The following SH3BP4 variants were observed in gnomAD, a reference collection of about 807,000 sequenced individuals.
SH3BP4 encodes SH3 domain-binding protein 4.
SH3BP4 carries 33 observed loss-of-function variants against 65.5 expected under a neutral mutation model. That is an observed-to-expected ratio of 0.50 (90% CI 0.38 to 0.67). The LOEUF (loss-of-function observed/expected upper bound fraction) is 0.67. SH3BP4 is among the 30% of genes least tolerant of loss of function. The probability of loss-of-function intolerance (pLI) is 0.00; values close to 1 mark genes in which losing one functional copy is unlikely to be tolerated. For synonymous variants in SH3BP4, 552 were observed against 545.5 expected, an observed-to-expected ratio of 1.01 and a Z score of -0.17; for missense variants, 1,134 against 1,261.4, an observed-to-expected ratio of 0.90 and a Z score of 1.53.
Position 235,053,778 on chromosome 2 carries a change from G to A in SH3BP4, c.2854G>A (p.Ala952Thr), listed in dbSNP as rs751078510. The A allele has an allele frequency of 3.1e-6, 5 of 1,614,174 alleles. No individual in the cohort carries two copies. The highest frequency in any genetic ancestry group is 1.7e-5 in the Admixed American group (1 of 60,022). Residue 952 changes from alanine (A) to threonine (T), a missense_variant, in exon 6 of 6, where the codon GCC becomes ACC. Coordinates refer to ENST00000392011, the MANE Select transcript of SH3BP4 (RefSeq NM_014521.3). ...VNSLDVLRAA[A>T]FSPADQDDFV... ...CTCCCTGGACGTTCTGAGAGCAGCCGCCTTCAGCCCTGCGGACCAGGACGA... is the reference window on the plus strand; with the variant it reads ...CTCCCTGGACGTTCTGAGAGCAGCCACCTTCAGCCCTGCGGACCAGGACGA...
chr2:234,988,270 A>G (rs192124228), intron 1 of SH3BP4, among the ~76,000 whole-genome samples: 19 of 152,230 alleles, frequency 1.2e-4, no homozygotes, highest in East Asian at 7.8e-4. Context: ...CGTGTTAGCC[A>G]GGATAGTCTT....
Position 235,045,836 on chromosome 2 carries a change from T to G in SH3BP4, c.2478+2589T>G, listed in dbSNP as rs1426886943. Among the ~76,000 whole-genome samples the G allele has an allele frequency of 2.0e-5, 3 of 152,188 alleles. No homozygotes were observed. The highest frequency in any genetic ancestry group is 4.4e-5 in the Non-Finnish European group (3 of 68,032). Reference sequence around the variant, plus strand: ...CCCTGCCTCTCATTTTTAGCATAGCTTTCGGTGTCCTTGTTCTGATGCCTT... The same window carrying G: ...CCCTGCCTCTCATTTTTAGCATAGCGTTCGGTGTCCTTGTTCTGATGCCTT... On this transcript the variant is annotated intron_variant, in intron 4 of 5. Transcript: ENST00000392011. This position sits in a 1 kb window ranked among gnomAD's most constrained non-coding sequence, Gnocchi z 4.3.
At chr2:234,986,892 C>T (rs1693577742) in intron 1 of SH3BP4, among the ~76,000 whole-genome samples, 3 of 151,836 alleles carry the variant, frequency 2.0e-5, no homozygotes, top group Admixed American at 6.6e-5. Context: ...GCAACCTCAG[C>T]CCCCCAAGTA....
At chr2:235,029,693 G>A (rs991635950) in intron 2 of SH3BP4, among the ~76,000 whole-genome samples, 4 of 152,116 alleles carry the variant, frequency 2.6e-5, no homozygotes, top group African/African-American at 4.8e-5. Flanking sequence ...ATGAACCTTC[G>A]GGAGCTCATT....
rs897245575 is a variant in SH3BP4, at chr2:235,045,191, G to A, written c.2478+1944G>A. Among the ~76,000 whole-genome samples, 4 of 152,144 alleles carry A rather than the reference G, an allele frequency of 2.6e-5. No homozygotes were observed. The highest frequency in any genetic ancestry group is 7.2e-5 in the African/African-American group (3 of 41,430). On this transcript the variant is annotated intron_variant, in intron 4 of 5. Coordinates refer to ENST00000392011, the MANE Select transcript of SH3BP4 (RefSeq NM_014521.3). The surrounding 1 kb of genome is among the most constrained non-coding windows in gnomAD (Gnocchi z 4.3). ...CTCCATCCCGTGAGAGCCTCTGTGC[G>A]GGCGGCCCCGAGACCACAGCCGTGG...
At chr2:235,039,154 C>T (rs1283511625) in intron 3 of SH3BP4, among the ~76,000 whole-genome samples, 5 of 152,186 alleles carry the variant, frequency 3.3e-5, no homozygotes, top group African/African-American at 1.2e-4. Context: ...GCCGGGTTCT[C>T]TGAGACACCC....
intron 2 of SH3BP4, among the ~76,000 whole-genome samples, chr2:235,010,203 A>G (rs1419305001): frequency 3.3e-5 from 5 of 152,154 alleles, no homozygotes; most frequent in Admixed American, 6.5e-5. Context: ...TTGAGCCAGT[A>G]TACCTTCATG....
In SH3BP4 at chr2:235,042,435, G is replaced by A. The variant is rs369446844; in HGVS notation, c.1666G>A (p.Ala556Thr). ...TTACGAGGTCAAAGCCAGCGAGCAG[G>A]CCAAAGTGGTGCGAGGATTCCAGCT... The part of the protein sequence containing the change: ...TNYEVKASEQ[A>T]KVVRGFQLKL... The change falls in exon 4 of 6, where the codon GCC (alanine) becomes ACC (threonine). Residue 556 changes from alanine (A) to threonine (T), a missense_variant. Transcript: ENST00000392011. The surrounding 1 kb of genome is among the most constrained non-coding windows in gnomAD (Gnocchi z 7.3). 88 of 1,614,032 alleles carry A rather than the reference G, an allele frequency of 5.5e-5. No homozygotes were observed. Among genetic ancestry groups the A allele is most frequent in the Non-Finnish European group, 7.2e-5 (85 of 1,180,038 alleles).
chr2:235,012,363 G>A (rs755306254), intron 2 of SH3BP4, among the ~76,000 whole-genome samples: 1 of 152,248 alleles, frequency 6.6e-6, no homozygotes. Flanking sequence ...AGGTTGAGAA[G>A]GGTGGTGGCT....
intron 3 of SH3BP4, among the ~76,000 whole-genome samples, chr2:235,038,329 AT>A (rs1695486179): frequency 2.4e-4 from 4 of 16,478 alleles, no homozygotes; most frequent in African/African-American, 5.3e-4. Flanking sequence ...TTATATATAT[AT>A]TATATATAGT....
intron 2 of SH3BP4, among the ~76,000 whole-genome samples, chr2:235,019,543 T>G (rs929843914): frequency 1.3e-5 from 2 of 151,580 alleles, no homozygotes; most frequent in Admixed American, 6.6e-5. Context: ...TTCAAGCGAT[T>G]CTCCTGCCTC....
intron 2 of SH3BP4, among the ~76,000 whole-genome samples, chr2:235,021,005 C>T (rs575547561): frequency 7.2e-5 from 11 of 152,148 alleles, no homozygotes; most frequent in Non-Finnish European, 1.5e-4. Flanking sequence ...CATGATCCTA[C>T]TCATTTATTT....
intron 2 of SH3BP4, among the ~76,000 whole-genome samples, chr2:235,022,447 G>T (rs1694871999): frequency 1.3e-5 from 2 of 152,106 alleles, no homozygotes; most frequent in Non-Finnish European, 2.9e-5. Context: ...CAGCTACTAG[G>T]GAGGTGGAGG....
chr2:235,014,648 C>T (rs1021333467), intron 2 of SH3BP4, among the ~76,000 whole-genome samples: 2 of 152,138 alleles, frequency 1.3e-5, no homozygotes, highest in African/African-American at 4.8e-5. Context: ...GCTTCCACTC[C>T]TTGGCATCCC....
chr2:235,026,873 C>T lies in SH3BP4; in HGVS notation c.-132-7998C>T, dbSNP rs142938128. Among the ~76,000 whole-genome samples, 388 of 152,236 alleles carry T rather than the reference C, an allele frequency of 2.5e-3. 3 individuals carry two copies. The highest frequency in any genetic ancestry group is 8.5e-3 in the African/African-American group (355 of 41,562). On this transcript the variant is annotated intron_variant, in intron 2 of 5. Transcript: ENST00000392011. This position sits in a 1 kb window ranked among gnomAD's most constrained non-coding sequence, Gnocchi z 4.6. ...CCTGTCGGTGGCTGCCCATGCCTTCCGATGGGCCTTGCTGTTTTCTCCCCC... is the reference window on the plus strand; with the variant it reads ...CCTGTCGGTGGCTGCCCATGCCTTCTGATGGGCCTTGCTGTTTTCTCCCCC...
chr2:234,957,810 G>A (rs981964525), intron 1 of SH3BP4, among the ~76,000 whole-genome samples: 11 of 152,138 alleles, frequency 7.2e-5, no homozygotes, highest in South Asian at 4.2e-4. Context: ...GGGGCAGGGC[G>A]TGGCAGACCC....
At chr2:235,025,949 C>T (rs1694987954) in intron 2 of SH3BP4, among the ~76,000 whole-genome samples, 1 of 152,156 alleles carries the variant, frequency 6.6e-6, no homozygotes, top group African/African-American at 2.4e-5. Context: ...TTGGTGAGTG[C>T]ATGGGATGTA....
rs1696134205 is a variant in SH3BP4, at chr2:235,053,648, C to G, written c.2724C>G (p.Asp908Glu). ...TCACCTGGAGCCATCAGATCGGGGA[C>G]AGCTACCGGGATGTCATCCAGGAGC... is the stretch of plus-strand genomic sequence containing the variant. ...FLLTWSHQIG[D>E]SYRDVIQELH... Residue 908 changes from aspartate to glutamate, a missense_variant, in exon 6 of 6, where the codon GAC becomes GAG. Physicochemically the swap from Asp to Glu is conservative, Grantham distance 45 (BLOSUM62 2). Transcript: ENST00000392011. The G allele has an allele frequency of 8.7e-6, 14 of 1,614,098 alleles. No individual in the cohort carries two copies. In the East Asian group the frequency reaches 3.1e-4, roughly 36 times the overall value.
rs1370354633 is a variant in SH3BP4 at position 235,026,921 on chromosome 2, C to T, written c.-132-7950C>T. On this transcript the variant is annotated intron_variant, in intron 2 of 5. Coordinates refer to ENST00000392011, the MANE Select transcript of SH3BP4 (RefSeq NM_014521.3). The surrounding 1 kb of genome is among the most constrained non-coding windows in gnomAD (Gnocchi z 4.6). The stretch of plus-strand genomic sequence containing the variant: ...CCCAGGAAGAGGCAGCCCGCCCGAG[C>T]CCCAGGCAGCATGTTCCTCCTGTGC... 6.6e-6 allele frequency among the ~76,000 whole-genome samples: 1 copy of T among 152,208 alleles called. No individual in the cohort carries two copies. Among genetic ancestry groups the T allele is most frequent in the Non-Finnish European group, 1.5e-5 (1 of 68,044 alleles).
Sources: allele counts gnomAD v4.1 joint callset (sites outside exome capture counted in the v4.1 genomes callset), GRCh38; gene constraint gnomAD v4.1.1; non-coding constraint Gnocchi (gnomAD v3.1); transcripts MANE v1.5; gene names NCBI Gene and HGNC (gene_info 2026-07-23, HGNC 2026-07-21).